Variants in FANCC observed in about 807,000 individuals in gnomAD.
FANCC encodes the protein FA complementation group C.
A neutral mutation model predicts 71.3 loss-of-function variants in FANCC; 55 were observed. The observed-to-expected ratio is 0.77, with a 90% CI of 0.62 to 0.97. The LOEUF (loss-of-function observed/expected upper bound fraction) is 0.97. Among genes scored for constraint, FANCC ranks in the 50% least tolerant of loss-of-function variants. The probability of loss-of-function intolerance (pLI) is 0.00; values close to 1 mark genes in which losing one functional copy is unlikely to be tolerated. For missense variants in FANCC, 678 were observed against 670.9 expected, an observed-to-expected ratio of 1.01 and a Z score of -0.12; for synonymous variants, 275 against 244.9, an observed-to-expected ratio of 1.12 and a Z score of -1.15.
At chr9:95,210,504 T>C (rs1828427364) in intron 4 of FANCC, among the ~76,000 whole-genome samples, 1 of 152,130 alleles carries the variant, frequency 6.6e-6, no homozygotes, top group Non-Finnish European at 1.5e-5. Flanking sequence ...ACATCAGGCA[T>C]TGTTCTAAAA....
rs587779906 is a variant in FANCC, at chr9:95,172,096, G to A, written c.397C>T (p.Leu133Phe). 1.2e-6 allele frequency: 2 copies of A among 1,613,330 alleles called. No individual in the cohort carries two copies. Among genetic ancestry groups the A allele is most frequent in the Non-Finnish European group, 1.7e-6 (2 of 1,179,542 alleles). Residue 133 changes from leucine (L) to phenylalanine (F), a missense_variant, in exon 5 of 15, where the codon CTT becomes TTT. Physicochemically the swap from Leu to Phe is conservative, Grantham distance 22 (BLOSUM62 0). Coordinates refer to ENST00000289081, the MANE Select transcript of FANCC (RefSeq NM_000136.3). ...GCATACCCAAGACCTTGAGTGAAAA[G>A]AGCAACTTCTTTATCAAATCTGAGT... ...SALRFDKEVALFTQGLGYAPI... is the reference protein window; with the variant it reads ...SALRFDKEVAFFTQGLGYAPI...
chr9:95,138,756 G>A (rs545920292), intron 7 of FANCC, among the ~76,000 whole-genome samples: 1 of 152,324 alleles, frequency 6.6e-6, no homozygotes, highest in East Asian at 1.9e-4. Context: ...CAGGCCGCCA[G>A]GAGCAGCAGC....
At chr9:95,142,987 C>A (rs1828996311) in intron 7 of FANCC, among the ~76,000 whole-genome samples, 1 of 152,192 alleles carries the variant, frequency 6.6e-6, no homozygotes, top group African/African-American at 2.4e-5. Flanking sequence ...CTCAGTCCCA[C>A]AAGACTGCCC....
chr9:95,141,205 G>A (rs549950800), intron 7 of FANCC, among the ~76,000 whole-genome samples: 1 of 151,092 alleles, frequency 6.6e-6, no homozygotes, highest in African/African-American at 2.4e-5. Flanking sequence ...CCAGCCACTC[G>A]GGAGGCTGAG....
chr9:95,177,652 ATTTTAATT>A (rs911033461), intron 4 of FANCC, among the ~76,000 whole-genome samples: 3 of 152,064 alleles, frequency 2.0e-5, no homozygotes, highest in African/African-American at 7.2e-5. Flanking sequence ...AAGCTTTTCT[ATTTTAATT>A]TTTTAATTTT....
chr9:95,260,762 G>A (rs1188268094), intron 1 of FANCC, among the ~76,000 whole-genome samples: 1 of 150,576 alleles, frequency 6.6e-6, no homozygotes, highest in Non-Finnish European at 1.5e-5. Flanking sequence ...AAAGGAAAAA[G>A]TATTATAGTT....
chr9:95,144,136 G>A (rs539176288), intron 7 of FANCC, among the ~76,000 whole-genome samples: 2 of 152,262 alleles, frequency 1.3e-5, no homozygotes, highest in East Asian at 3.9e-4. Flanking sequence ...ATCTGGGGAG[G>A]GGGGGCTGGG....
At chr9:95,112,525 C>G (rs780453777) in intron 12 of FANCC, among the ~76,000 whole-genome samples, 1 of 152,236 alleles carries the variant, frequency 6.6e-6, no homozygotes, top group Non-Finnish European at 1.5e-5. Flanking sequence ...ACATGTCCCT[C>G]TTTCCCAGGA....
At chr9:95,258,658 C>T (rs1831821776) in intron 1 of FANCC, among the ~76,000 whole-genome samples, 1 of 152,192 alleles carries the variant, frequency 6.6e-6, no homozygotes, top group African/African-American at 2.4e-5. Context: ...CTCACCACTC[C>T]TGTTCAACAT....
intron 10 of FANCC, among the ~76,000 whole-genome samples, chr9:95,119,954 C>T (rs2072739307): frequency 1.3e-5 from 2 of 152,014 alleles, no homozygotes; most frequent in South Asian, 4.2e-4. Flanking sequence ...TCAAGAGATC[C>T]TCCTGCCTTG....
chr9:95,173,005 C>T (rs149498415), intron 4 of FANCC, among the ~76,000 whole-genome samples: 8 of 152,160 alleles, frequency 5.3e-5, no homozygotes, highest in East Asian at 1.9e-4. Context: ...ACAAAATATA[C>T]GACAAACACT....
intron 3 of FANCC, among the ~76,000 whole-genome samples, chr9:95,244,368 G>A (rs891877599): frequency 2.0e-5 from 3 of 152,122 alleles, no homozygotes; most frequent in Non-Finnish European, 4.4e-5. Flanking sequence ...GTTTTCCTAA[G>A]GGCTGGCACA....
At chr9:95,314,954 G>T (rs1323719568) in intron 1 of FANCC, among the ~76,000 whole-genome samples, 1 of 151,986 alleles carries the variant, frequency 6.6e-6, no homozygotes, top group Non-Finnish European at 1.5e-5. Flanking sequence ...ATAACAAACT[G>T]ATACTAAAAT....
chr9:95,302,472 C>T (rs1200670907), intron 1 of FANCC, among the ~76,000 whole-genome samples: 2 of 152,220 alleles, frequency 1.3e-5, no homozygotes, highest in African/African-American at 2.4e-5. Flanking sequence ...TATGAAGACA[C>T]AGCCTGGTGG....
intron 1 of FANCC, among the ~76,000 whole-genome samples, chr9:95,297,225 A>G (rs1390576770): frequency 6.6e-6 from 1 of 151,650 alleles, no homozygotes; most frequent in East Asian, 1.9e-4. Context: ...ATCCTGCCCA[A>G]ATCAGGGATG....
intron 14 of FANCC, among the ~76,000 whole-genome samples, chr9:95,102,852 A>G (rs1214068048): frequency 6.6e-6 from 1 of 152,198 alleles, no homozygotes; most frequent in Non-Finnish European, 1.5e-5. Flanking sequence ...GGTGTGGACC[A>G]TGACGTTCGC....
Position 95,107,160 on chromosome 9 carries a change from C to G in FANCC, c.1439G>C (p.Arg480Thr). The part of the protein sequence containing the change: ...VAGQGTDTDL[R>T]APAQQLIRHL... ...CCTGATCAGCTGTTGTGCAGGAGCT[C>G]TGAGGTCTGTGTCTGTGCCCTGTCC... Residue 480 changes from arginine (R) to threonine (T), a missense_variant, in exon 14 of 15, where the codon AGA (arginine) becomes ACA (threonine). Coordinates refer to ENST00000289081, the MANE Select transcript of FANCC (RefSeq NM_000136.3). 1 of 1,614,182 alleles carries G rather than the reference C, an allele frequency of 6.2e-7. No individual in the cohort carries two copies. Among genetic ancestry groups the G allele is most frequent in the Non-Finnish European group, 8.5e-7 (1 of 1,180,034 alleles).
At chr9:95,261,315 C>A (rs1832032665) in intron 1 of FANCC, among the ~76,000 whole-genome samples, 1 of 152,150 alleles carries the variant, frequency 6.6e-6, no homozygotes, top group Non-Finnish European at 1.5e-5. Flanking sequence ...TTGCTCAATA[C>A]CAAAATCCTT....
At chr9:95,141,242 G>A (rs984869221) in intron 7 of FANCC, among the ~76,000 whole-genome samples, 4 of 149,912 alleles carry the variant, frequency 2.7e-5, no homozygotes, top group Non-Finnish European at 4.4e-5. Context: ...AGCCTGGGAG[G>A]TCGAGGCTAC....
Sources: allele counts gnomAD v4.1 joint callset (sites outside exome capture counted in the v4.1 genomes callset), GRCh38; gene constraint gnomAD v4.1.1; transcripts MANE v1.5; gene names NCBI Gene and HGNC (gene_info 2026-07-23, HGNC 2026-07-21).